The following DNAJC6 variants were observed in gnomAD, a reference collection of about 807,000 sequenced individuals.
The protein encoded by DNAJC6 is auxilin.
Under a neutral mutation model 110.0 loss-of-function variants are expected in DNAJC6, and 34 were observed. That is an observed-to-expected ratio of 0.31 (90% CI 0.24 to 0.41). The LOEUF (loss-of-function observed/expected upper bound fraction) is 0.41. Ranked by LOEUF, DNAJC6 falls within the 10% of genes least tolerant of loss-of-function variation. The pLI, the probability that DNAJC6 is intolerant of heterozygous loss-of-function variation, is 1.00. For synonymous variants in DNAJC6, 406 were observed against 437.2 expected, an observed-to-expected ratio of 0.93 and a Z score of 0.89; for missense variants, 1,031 against 1,207.8, an observed-to-expected ratio of 0.85 and a Z score of 2.17.
intron 11 of DNAJC6, among the ~76,000 whole-genome samples, chr1:65,391,019 G>A (rs1281155425): frequency 6.6e-6 from 1 of 152,150 alleles, no homozygotes; most frequent in Non-Finnish European, 1.5e-5. Context: ...ACAGTCTCTT[G>A]TCTGAACCTC....
rs375150413 is a variant in DNAJC6 at position 65,365,893 on chromosome 1, A to G, written c.353A>G (p.Lys118Arg). ...TTTTGTCTTGCTTTTAGCTACACAA[A>G]GGGAGATTTAGACTTCACTTATGTT... ...RVIQSVTSYT[K>R]GDLDFTYVTS... The change falls in exon 3 of 19, where the codon AAG (lysine) becomes AGG (arginine). Residue 118 changes from lysine to arginine, a missense_variant. Physicochemically the swap from Lys to Arg is conservative, Grantham distance 26. Coordinates refer to ENST00000371069, the MANE Select transcript of DNAJC6 (RefSeq NM_001256864.2). 41 of 1,613,194 alleles carry G rather than the reference A, an allele frequency of 2.5e-5. No homozygotes were observed. The highest frequency in any genetic ancestry group is 3.3e-5 in the Non-Finnish European group (39 of 1,179,604).
At chr1:65,336,978 C>A (rs1645342977) in intron 1 of DNAJC6, among the ~76,000 whole-genome samples, 3 of 151,840 alleles carry the variant, frequency 2.0e-5, no homozygotes, top group Non-Finnish European at 4.4e-5. Context: ...TTCTCTATGT[C>A]TCTTTTGTTC....
chr1:65,379,814 C>T (rs1645801256), intron 5 of DNAJC6: 1 of 221,070 alleles, frequency 4.5e-6, no homozygotes, highest in Non-Finnish European at 8.8e-6. Flanking sequence ...GTGTGCACAG[C>T]TAAAAATGCC....
intron 1 of DNAJC6, among the ~76,000 whole-genome samples, chr1:65,334,886 T>C (rs1645320748): frequency 3.3e-5 from 5 of 152,218 alleles, no homozygotes; most frequent in Non-Finnish European, 1.5e-5. Context: ...TGTTATATTA[T>C]AGGTGTGAAA....
exon 1 of DNAJC6, chr1:65,264,859 C>G: frequency 6.2e-7 from 1 of 1,610,090 alleles, no homozygotes; most frequent in Non-Finnish European, 8.5e-7. Flanking sequence ...GTCAGGGTTG[C>G]AGAATCAGCC....
intron 4 of DNAJC6, among the ~76,000 whole-genome samples, chr1:65,371,598 C>T (rs756774012): frequency 1.5e-4 from 23 of 152,280 alleles, no homozygotes; most frequent in Non-Finnish European, 3.2e-4. Context: ...TCTGTAGAAG[C>T]ATTCATTCCT....
chr1:65,327,471 G>A (rs773075921), intron 1 of DNAJC6, among the ~76,000 whole-genome samples: 4 of 152,126 alleles, frequency 2.6e-5, no homozygotes, highest in African/African-American at 4.8e-5. Context: ...AGCAAGGTTG[G>A]TGGCTCATGC....
At position 65,388,280 on chromosome 1, in the gene DNAJC6, G is replaced by T; in HGVS notation, c.1114-56G>T. 2.0e-6 allele frequency: 3 copies of T among 1,485,940 alleles called. No individual in the cohort carries two copies. In the South Asian group the frequency reaches 3.4e-5, roughly 17 times the overall value. 92.0% of individuals were successfully genotyped at this position (1,485,940 alleles called of 1,614,324 possible). On this transcript the variant is annotated intron_variant, in intron 8 of 18. Coordinates refer to ENST00000371069, the MANE Select transcript of DNAJC6 (RefSeq NM_001256864.2). ...ATGTCTCCCCAAAATCTAATCTTTT[G>T]ATCAGATTCCCTTTTCGCTGATTGA...
chr1:65,320,471 C>G (rs994810249), intron 1 of DNAJC6, among the ~76,000 whole-genome samples: 2 of 152,148 alleles, frequency 1.3e-5, no homozygotes, highest in Admixed American at 6.5e-5. Context: ...CTGACTTTGT[C>G]ATTTACAAGC....
rs753239343 is a variant in DNAJC6, at chr1:65,389,379, C to T, written c.1317C>T (p.Cys439=). 4.3e-6 allele frequency: 7 copies of T among 1,614,032 alleles called. No homozygotes were observed. In the East Asian group the frequency reaches 1.6e-4, roughly 36 times the overall value. The part of the protein sequence containing the change: ...IDLTPPWEHY[C]TKDVNPSILF... Reference sequence around the variant, plus strand: ...TAACTCCACCATGGGAACATTACTGCACAAAAGATGTCAATCCCAGCATCC... The same window carrying T: ...TAACTCCACCATGGGAACATTACTGTACAAAAGATGTCAATCCCAGCATCC... Residue 439 remains cysteine, a synonymous_variant, in exon 10 of 19, where the codon TGC becomes TGT. Coordinates refer to ENST00000371069, the MANE Select transcript of DNAJC6 (RefSeq NM_001256864.2).
intron 5 of DNAJC6, 103 bp downstream of exon 5, chr1:65,379,627 A>G: frequency 6.9e-7 from 1 of 1,455,438 alleles, no homozygotes; most frequent in Non-Finnish European, 9.2e-7. Context: ...AATAGGATTT[A>G]CTGAGCCCAT....
At chr1:65,343,132 A>G (rs948595358) in intron 1 of DNAJC6, among the ~76,000 whole-genome samples, 2 of 152,164 alleles carry the variant, frequency 1.3e-5, no homozygotes, top group African/African-American at 4.8e-5. Context: ...CTGTGAGGAA[A>G]CACCATAATA....
intron 1 of DNAJC6, among the ~76,000 whole-genome samples, chr1:65,333,257 A>G (rs575201840): frequency 3.9e-5 from 6 of 152,200 alleles, no homozygotes; most frequent in Non-Finnish European, 7.3e-5. Context: ...ATCTTTGGAT[A>G]TGCTTCCAAT....
intron 1 of DNAJC6, among the ~76,000 whole-genome samples, chr1:65,323,810 C>A (rs1397790241): frequency 6.6e-6 from 1 of 152,092 alleles, no homozygotes; most frequent in Non-Finnish European, 1.5e-5. Context: ...AGGTTGGTCT[C>A]AACCTCCTGG....
intron 1 of DNAJC6, among the ~76,000 whole-genome samples, chr1:65,317,109 T>C (rs911491416): frequency 2.0e-5 from 3 of 152,226 alleles, no homozygotes; most frequent in East Asian, 1.9e-4. Context: ...TCTGCAGTTG[T>C]ATATAAGCTT....
rs1408994 is a variant in DNAJC6, at chr1:65,379,763, A to C, written c.666+239A>C. 79,352 of 411,690 alleles carry C rather than the reference A, an allele frequency of 0.19. 15,698 individuals are homozygous for C. Among genetic ancestry groups the C allele is most frequent in the East Asian group, 0.64 (13,984 of 21,774 alleles). 25.5% of individuals were successfully genotyped at this position (411,690 alleles called of 1,614,324 possible). A position where few individuals can be genotyped will look rare whatever the true frequency, so the allele number is the denominator to read the frequency against. ...AACTCACATAGTGTGGGGACTCTAGAATGTGCTAAGTATTATAAAGGAGGT... is the reference window on the plus strand; with the variant it reads ...AACTCACATAGTGTGGGGACTCTAGCATGTGCTAAGTATTATAAAGGAGGT... On this transcript the variant is annotated intron_variant, in intron 5 of 18. Transcript: ENST00000371069.
At chr1:65,343,266 A>G (rs1645406301) in intron 1 of DNAJC6, among the ~76,000 whole-genome samples, 1 of 152,170 alleles carries the variant, frequency 6.6e-6, no homozygotes, top group Admixed American at 6.5e-5. Context: ...ATGAGGATTT[A>G]TGCATATAAT....
chr1:65,330,241 A>C (rs1645275291), intron 1 of DNAJC6, among the ~76,000 whole-genome samples: 1 of 152,062 alleles, frequency 6.6e-6, no homozygotes, highest in African/African-American at 2.4e-5. Context: ...CAATATTCCA[A>C]ATTCGGGTTG....
Position 65,364,606 on chromosome 1 carries a change from G to GTT in DNAJC6, c.194-27_194-26dup, listed in dbSNP as rs1557543071. 3.9e-6 allele frequency: 6 copies of GTT among 1,553,258 alleles called. No homozygotes were observed. In the Admixed American group the frequency reaches 6.2e-5, roughly 16 times the overall value. ...TGGATTCTCTGCCATCACCATTTTTGTTTGTTTGTTTTTTTTTTTTTTTGG... is the reference window on the plus strand; with the variant it reads ...TGGATTCTCTGCCATCACCATTTTTGTTTTTGTTTGTTTTTTTTTTTTTTTGG... On this transcript the variant is annotated intron_variant, in intron 1 of 18. Transcript: ENST00000371069.
Sources: gnomAD v4.1 joint callset for allele counts (sites outside exome capture counted in the v4.1 genomes callset) on GRCh38, gnomAD v4.1.1 for gene constraint, MANE v1.5 for transcripts, NCBI Gene and HGNC (gene_info 2026-07-23, HGNC 2026-07-21) for gene names.